CCDC85A: variants seen among roughly 807,000 people sequenced by gnomAD.
CCDC85A encodes the protein coiled-coil domain-containing protein 85A.
Under a neutral mutation model 50.2 loss-of-function variants are expected in CCDC85A, and 38 were observed. That is an observed-to-expected ratio of 0.76 (90% CI 0.58 to 0.99). CCDC85A has a LOEUF of 0.99. Ranked by LOEUF, CCDC85A falls within the 50% of genes least tolerant of loss-of-function variation. The pLI, the probability that CCDC85A is intolerant of heterozygous loss-of-function variation, is 0.00. For synonymous variants in CCDC85A, 366 were observed against 301.4 expected, an observed-to-expected ratio of 1.21 and a Z score of -2.22; for missense variants, 820 against 742.0, an observed-to-expected ratio of 1.11 and a Z score of -1.22.
intron 2 of CCDC85A, among the ~76,000 whole-genome samples, chr2:56,278,621 T>C (rs1331411354): frequency 6.6e-6 from 1 of 152,132 alleles, no homozygotes; most frequent in African/African-American, 2.4e-5. Context: ...TTGCCCAGGC[T>C]GGAATGCAGT....
intron 2 of CCDC85A, among the ~76,000 whole-genome samples, chr2:56,334,272 G>A (rs1014862719): frequency 4.6e-5 from 7 of 152,154 alleles, no homozygotes; most frequent in African/African-American, 1.4e-4. Flanking sequence ...TGTATCCCCG[G>A]GACCTAGAAC....
chr2:56,209,767 A>C (rs905851388), intron 2 of CCDC85A, among the ~76,000 whole-genome samples: 7 of 151,994 alleles, frequency 4.6e-5, no homozygotes, highest in Non-Finnish European at 4.4e-5. Context: ...TTATTTCTTC[A>C]TTCATTTATT....
At chr2:56,230,482 C>G (rs947455594) in intron 2 of CCDC85A, among the ~76,000 whole-genome samples, 1 of 152,154 alleles carries the variant, frequency 6.6e-6, no homozygotes, top group Admixed American at 6.5e-5. Context: ...AGAAATATTG[C>G]TGCTAAACTA....
intron 2 of CCDC85A, among the ~76,000 whole-genome samples, chr2:56,197,549 T>G (rs1206258261): frequency 3.3e-5 from 5 of 152,264 alleles, no homozygotes; most frequent in Admixed American, 6.5e-5. Flanking sequence ...ACTTGGGCAC[T>G]TTGCAAAAAG....
Position 56,375,892 on chromosome 2 carries a change from C to T in CCDC85A, c.1529C>T (p.Ala510Val). ...TCTGCAGCTAGCTTCAGTGGACATGCCACACCTTCCCAGCAGCCTGAACCT... is the reference window on the plus strand; with the variant it reads ...TCTGCAGCTAGCTTCAGTGGACATGTCACACCTTCCCAGCAGCCTGAACCT... ...PNSAASFSGH[A>V]TPSQQPEPVV... Residue 510 changes from alanine to valine, a missense_variant, in exon 5 of 6, where the codon GCC (alanine) becomes GTC (valine). Transcript: ENST00000407595. The T allele has an allele frequency of 1.2e-6, 2 of 1,613,782 alleles. No homozygotes were observed. The highest frequency in any genetic ancestry group is 1.7e-6 in the Non-Finnish European group (2 of 1,179,796).
intron 1 of CCDC85A, among the ~76,000 whole-genome samples, chr2:56,186,966 A>C (rs900358341): frequency 6.6e-6 from 1 of 151,890 alleles, no homozygotes; most frequent in African/African-American, 2.4e-5. Context: ...TGCAGCTTCT[A>C]CTCTTCTCAT....
intron 3 of CCDC85A, among the ~76,000 whole-genome samples, chr2:56,344,362 G>C (rs1253112315): frequency 6.6e-6 from 1 of 152,146 alleles, no homozygotes; most frequent in Non-Finnish European, 1.5e-5. Context: ...AGGAAGTGTA[G>C]ACAGCATGGA....
At chr2:56,372,015 A>G (rs1676098798) in intron 3 of CCDC85A, among the ~76,000 whole-genome samples, 1 of 152,304 alleles carries the variant, frequency 6.6e-6, no homozygotes, top group East Asian at 1.9e-4. Flanking sequence ...GGTAAAGCAT[A>G]TTATTATTTT....
chr2:56,263,202 T>G (rs1334953812), intron 2 of CCDC85A, among the ~76,000 whole-genome samples: 4 of 152,182 alleles, frequency 2.6e-5, no homozygotes, highest in African/African-American at 9.6e-5. Context: ...ACCCTTAGGA[T>G]TGCTGTAGCC....
At chr2:56,297,167 A>G (rs1671988666) in intron 2 of CCDC85A, among the ~76,000 whole-genome samples, 1 of 152,162 alleles carries the variant, frequency 6.6e-6, no homozygotes, top group African/African-American at 2.4e-5. Flanking sequence ...TAAGTGCATT[A>G]CAAATGCTTC....
rs576778834 is a variant in CCDC85A at position 56,289,884 on chromosome 2, T to C, written c.1241-52995T>C. On this transcript the variant is annotated intron_variant, in intron 2 of 5. Transcript: ENST00000407595. ...AGTAAAGTATGATATCTTTGTCAGA[T>C]GGTTTCTATTTTAATACTTAATATT... Among the ~76,000 whole-genome samples the C allele has an allele frequency of 7.2e-5, 11 of 152,278 alleles. No individual in the cohort carries two copies. The East Asian group carries it at 2.1e-3, about 29-fold the overall frequency.
intron 2 of CCDC85A, among the ~76,000 whole-genome samples, chr2:56,303,140 G>A (rs978678739): frequency 6.6e-6 from 1 of 152,088 alleles, no homozygotes; most frequent in East Asian, 1.9e-4. Context: ...AACCCATCTC[G>A]CTGCATTGCA....
intron 2 of CCDC85A, among the ~76,000 whole-genome samples, chr2:56,302,154 G>T (rs547957400): frequency 6.6e-6 from 1 of 152,126 alleles, no homozygotes; most frequent in Non-Finnish European, 1.5e-5. Flanking sequence ...TAATCGGGAG[G>T]CTGAGGCAGG....
At chr2:56,227,231 A>G (rs1362483733) in intron 2 of CCDC85A, among the ~76,000 whole-genome samples, 2 of 152,142 alleles carry the variant, frequency 1.3e-5, no homozygotes, top group African/African-American at 4.8e-5. Flanking sequence ...TGTTTTTAAA[A>G]GTCTCATTCT....
intron 4 of CCDC85A, among the ~76,000 whole-genome samples, chr2:56,373,040 G>T (rs181946919): frequency 6.6e-6 from 1 of 152,188 alleles, no homozygotes; most frequent in East Asian, 1.9e-4. Flanking sequence ...TCCAAATATT[G>T]GTCTGATTCT....
chr2:56,331,386 C>G (rs1051624660), intron 2 of CCDC85A, among the ~76,000 whole-genome samples: 1 of 152,012 alleles, frequency 6.6e-6, no homozygotes, highest in Non-Finnish European at 1.5e-5. Context: ...ACATGTATCC[C>G]AGAATTAAAA....
chr2:56,269,226 G>A (rs183846324), intron 2 of CCDC85A, among the ~76,000 whole-genome samples: 311 of 152,080 alleles, frequency 2.0e-3, no homozygotes, highest in Admixed American at 4.8e-3. Context: ...ACCTTACCTG[G>A]GACACATAAA....
At chr2:56,276,119 C>T (rs1670927781) in intron 2 of CCDC85A, among the ~76,000 whole-genome samples, 1 of 152,026 alleles carries the variant, frequency 6.6e-6, no homozygotes, top group African/African-American at 2.4e-5. Flanking sequence ...GGGGCGTCTC[C>T]CCTCCTTATA....
intron 2 of CCDC85A, among the ~76,000 whole-genome samples, chr2:56,220,405 G>C (rs1668275106): frequency 1.3e-5 from 2 of 151,956 alleles, no homozygotes; most frequent in African/African-American, 4.8e-5. Context: ...ATTAACATCA[G>C]AGAACAAGAT....
Sources: allele counts gnomAD v4.1 joint callset (sites outside exome capture counted in the v4.1 genomes callset), GRCh38; gene constraint gnomAD v4.1.1; transcripts MANE v1.5; gene names NCBI Gene and HGNC (gene_info 2026-07-23, HGNC 2026-07-21).